Variants in FMNL2 observed in about 807,000 individuals in gnomAD.
FMNL2 encodes the protein formin-like protein 2.
A neutral mutation model predicts 130.2 loss-of-function variants in FMNL2; 51 were observed. That is an observed-to-expected ratio of 0.39 (90% confidence interval 0.31 to 0.49). The LOEUF (loss-of-function observed/expected upper bound fraction) is 0.49. FMNL2 is among the 20% of genes least tolerant of loss of function. FMNL2 has a pLI of 0.85. For missense variants in FMNL2, 977 were observed against 1,316.2 expected (o/e 0.74, Z 3.99); for synonymous variants, 465 against 467.1 (o/e 1.00, Z 0.06).
At position 152,637,660 on chromosome 2, in the gene FMNL2, G is replaced by C. The variant is rs377613513; in HGVS notation, c.2932G>C (p.Val978Leu). 1.1e-4 allele frequency: 174 copies of C among 1,613,842 alleles called. No individual in the cohort carries two copies. The highest frequency in any genetic ancestry group is 1.4e-4 in the Non-Finnish European group (169 of 1,179,852). ...CTTCTTTCCTGTCTTTGTCCGGTTT[G>C]TGAAAGCATATAAGGTATATGTTAA... ...SVFFPVFVRF[V>L]KAYKQAEEEN... The change falls in exon 23 of 26, where the codon GTG becomes CTG. Residue 978 changes from valine to leucine, a missense_variant. Physicochemically the swap from Val to Leu is conservative, Grantham distance 32. Around this residue, in one of 4 missense-constraint regions of FMNL2, gnomAD observed 168 missense variants for 168.8 expected, o/e 1.00. Coordinates refer to ENST00000288670, the MANE Select transcript of FMNL2 (RefSeq NM_052905.4).
chr2:152,491,462 A>G (rs969764997), intron 1 of FMNL2, among the ~76,000 whole-genome samples: 9 of 152,156 alleles, frequency 5.9e-5, no homozygotes, highest in African/African-American at 2.2e-4. Context: ...AGTGGGTGTG[A>G]ATTGTTGGCT....
chr2:152,374,960 A>C (rs1684077539), intron 1 of FMNL2, among the ~76,000 whole-genome samples: 1 of 152,198 alleles, frequency 6.6e-6, no homozygotes, highest in Non-Finnish European at 1.5e-5. Context: ...GGCTGTCCTG[A>C]TGCATTTAGA....
chr2:152,492,163 A>G (rs1302878108), intron 1 of FMNL2, among the ~76,000 whole-genome samples: 2 of 152,066 alleles, frequency 1.3e-5, no homozygotes, highest in African/African-American at 4.8e-5. Context: ...TGTCTGTTGA[A>G]CTCACGGTCA....
intron 1 of FMNL2, among the ~76,000 whole-genome samples, chr2:152,449,366 G>A (rs1688515423): frequency 6.6e-6 from 1 of 152,026 alleles, no homozygotes; most frequent in Non-Finnish European, 1.5e-5. Flanking sequence ...TTCCTTTTCA[G>A]GATTTTTCTA....
intron 6 of FMNL2, among the ~76,000 whole-genome samples, chr2:152,567,734 T>C (rs1255055249): frequency 6.6e-6 from 1 of 152,222 alleles, no homozygotes; most frequent in Non-Finnish European, 1.5e-5. Flanking sequence ...ACATACCTCA[T>C]TGGTGTTGCA....
intron 1 of FMNL2, among the ~76,000 whole-genome samples, chr2:152,455,579 A>G (rs1214820154): frequency 6.6e-6 from 1 of 152,202 alleles, no homozygotes; most frequent in African/African-American, 2.4e-5. Flanking sequence ...TGGGTGCTGT[A>G]CTAAGACTTA....
chr2:152,352,451 A>G (rs1364173194), intron 1 of FMNL2, among the ~76,000 whole-genome samples: 1 of 152,218 alleles, frequency 6.6e-6, no homozygotes, highest in Non-Finnish European at 1.5e-5. Context: ...CCGTGCTCCT[A>G]ACATTCTGTT....
intron 1 of FMNL2, among the ~76,000 whole-genome samples, chr2:152,432,617 C>G (rs1687556506): frequency 1.3e-5 from 2 of 152,170 alleles, no homozygotes; most frequent in Non-Finnish European, 2.9e-5. Context: ...CAAATTTATT[C>G]TGAGGATAGA....
At chr2:152,565,829 G>GA (rs769953138) in intron 6 of FMNL2, among the ~76,000 whole-genome samples, 12 of 152,070 alleles carry the variant, frequency 7.9e-5, no homozygotes, top group Non-Finnish European at 1.6e-4. Flanking sequence ...GCCCAGGCTG[G>GA]AGTGCAGTGG....
chr2:152,601,031 TGAGG>T (rs1442864093), intron 9 of FMNL2, among the ~76,000 whole-genome samples: 6 of 152,200 alleles, frequency 3.9e-5, no homozygotes, highest in African/African-American at 1.2e-4. Flanking sequence ...TCAAGAATAC[TGAGG>T]GAGAGAATTT....
At chr2:152,343,698 G>C (rs1306405319) in intron 1 of FMNL2, among the ~76,000 whole-genome samples, 1 of 152,156 alleles carries the variant, frequency 6.6e-6, no homozygotes, top group Non-Finnish European at 1.5e-5. Context: ...GACCTGTCTT[G>C]GTTGAGGGTT....
chr2:152,492,220 G>A (rs1691253758), intron 1 of FMNL2, among the ~76,000 whole-genome samples: 1 of 151,616 alleles, frequency 6.6e-6, no homozygotes, highest in Admixed American at 6.6e-5. Flanking sequence ...TCTGCCCCCA[G>A]AACAATTACC....
intron 3 of FMNL2, among the ~76,000 whole-genome samples, chr2:152,545,226 T>C (rs1203836615): frequency 6.6e-6 from 1 of 152,186 alleles, no homozygotes; most frequent in East Asian, 1.9e-4. Context: ...AAGACATGGC[T>C]TGCAGTTAAA....
At chr2:152,520,381 G>C (rs951524771) in intron 1 of FMNL2, among the ~76,000 whole-genome samples, 1 of 151,914 alleles carries the variant, frequency 6.6e-6, no homozygotes, top group Non-Finnish European at 1.5e-5. Context: ...ATCATCCAGG[G>C]GTCAGGAGTT....
rs905909993 is a variant in FMNL2 at position 152,636,934 on chromosome 2, G to C, written c.2844+344G>C. On this transcript the variant is annotated intron_variant, in intron 22 of 25. Coordinates refer to ENST00000288670, the MANE Select transcript of FMNL2 (RefSeq NM_052905.4). ...GTTTCCTGTGTAGTGGGTTTCTGTAGATCTTGTCCTTGAAAATCTTACACT... is the reference window on the plus strand; with the variant it reads ...GTTTCCTGTGTAGTGGGTTTCTGTACATCTTGTCCTTGAAAATCTTACACT... 4.6e-5 allele frequency among the ~76,000 whole-genome samples: 7 copies of C among 152,130 alleles called. No homozygotes were observed. In the East Asian group the frequency reaches 1.3e-3, roughly 29 times the overall value.
intron 9 of FMNL2, among the ~76,000 whole-genome samples, chr2:152,589,813 G>A (rs1031198019): frequency 6.6e-6 from 1 of 151,400 alleles, no homozygotes. Flanking sequence ...CTCTTCCTGT[G>A]TAAAGGAGCT....
At chr2:152,607,019 T>TTTTTTTTTTTTTTTG (rs1698407396) in intron 9 of FMNL2, among the ~76,000 whole-genome samples, 1 of 146,058 alleles carries the variant, frequency 6.8e-6, no homozygotes, top group African/African-American at 2.5e-5. Flanking sequence ...TTTTTTTTTT[T>TTTTTTTTTTTTTTTG]TTTTTACCAT....
intron 1 of FMNL2, among the ~76,000 whole-genome samples, chr2:152,464,689 G>A (rs771464346): frequency 5.9e-5 from 9 of 152,336 alleles, no homozygotes; most frequent in Non-Finnish European, 8.8e-5. Context: ...ACAGATCAGC[G>A]TGTGAGGAGG....
chr2:152,364,292 T>TA (rs1683382852), intron 1 of FMNL2, among the ~76,000 whole-genome samples: 2 of 123,038 alleles, frequency 1.6e-5, no homozygotes, highest in Non-Finnish European at 3.3e-5. Flanking sequence ...TTTTTTTTTT[T>TA]ACCAGATCCT....
Sources: gnomAD v4.1 joint callset for allele counts (sites outside exome capture counted in the v4.1 genomes callset) on GRCh38, gnomAD v4.1.1 for gene constraint, gnomAD v4.1.1 regional missense constraint, MANE v1.5 for transcripts, NCBI Gene and HGNC (gene_info 2026-07-23, HGNC 2026-07-21) for gene names.